FTO: variants seen among roughly 807,000 people sequenced by gnomAD.
FTO encodes FTO alpha-ketoglutarate dependent dioxygenase.
In FTO, 47 loss-of-function variants were observed where a neutral mutation model predicts 63.9. That is an observed-to-expected ratio of 0.74 (90% CI 0.58 to 0.94). The LOEUF (loss-of-function observed/expected upper bound fraction) is 0.94, where lower values mean the gene tolerates loss of function less well. Ranked by LOEUF, FTO falls within the 40% of genes least tolerant of loss-of-function variation. FTO has a pLI of 0.00. For missense variants in FTO, 562 were observed against 618.1 expected (o/e 0.91, Z 0.96); for synonymous variants, 207 against 224.4 (o/e 0.92, Z 0.69).
intron 3 of FTO, among the ~76,000 whole-genome samples, chr16:53,843,922 T>A (rs2079545209): frequency 6.6e-6 from 1 of 152,130 alleles, no homozygotes; most frequent in South Asian, 2.1e-4. Context: ...AGTGCTGGGA[T>A]TATAGGCGTG....
At chr16:54,083,155 A>G (rs1459853388) in intron 8 of FTO, among the ~76,000 whole-genome samples, 3 of 152,168 alleles carry the variant, frequency 2.0e-5, no homozygotes, top group Non-Finnish European at 2.9e-5. Context: ...TATTACAGAT[A>G]AGACTATTAT....
chr16:54,088,841 T>C (rs2086311162), intron 8 of FTO, among the ~76,000 whole-genome samples: 1 of 152,214 alleles, frequency 6.6e-6, no homozygotes, highest in South Asian at 2.1e-4. Context: ...CCACACAGTA[T>C]TCAGTTTTCC....
chr16:53,863,953 A>G (rs1202082224), intron 4 of FTO, among the ~76,000 whole-genome samples: 1 of 152,222 alleles, frequency 6.6e-6, no homozygotes, highest in African/African-American at 2.4e-5. Flanking sequence ...TCTAATATAT[A>G]GTGCCAAAAG....
At chr16:53,753,269 CA>C (rs1438726615) in intron 1 of FTO, among the ~76,000 whole-genome samples, 1 of 139,930 alleles carries the variant, frequency 7.1e-6, no homozygotes, top group Non-Finnish European at 1.5e-5. Context: ...AAAAAAAAAA[CA>C]AAACAAAACA....
At chr16:54,101,408 A>G (rs1051415728) in intron 8 of FTO, among the ~76,000 whole-genome samples, 1 of 152,210 alleles carries the variant, frequency 6.6e-6, no homozygotes, top group African/African-American at 2.4e-5. Context: ...TTTGCTAAGG[A>G]TAATAGCCTC....
intron 1 of FTO, among the ~76,000 whole-genome samples, chr16:53,774,760 T>A (rs947369340): frequency 2.6e-5 from 4 of 152,026 alleles, no homozygotes; most frequent in Non-Finnish European, 4.4e-5. Flanking sequence ...CTTGCCAGGG[T>A]AGCCGCTCAT....
chr16:53,773,249 C>T (rs567191192), intron 1 of FTO, among the ~76,000 whole-genome samples: 1 of 152,176 alleles, frequency 6.6e-6, no homozygotes, highest in South Asian at 2.1e-4. Context: ...ATTTCTTCTA[C>T]TCCTGTTTTC....
intron 7 of FTO, among the ~76,000 whole-genome samples, chr16:53,917,705 A>G (rs1027841560): frequency 8.7e-6 from 1 of 115,256 alleles, no homozygotes; most frequent in Admixed American, 8.8e-5. Context: ...CACAAAATTG[A>G]GTGAGTGTGT....
At chr16:53,973,324 T>C (rs1218367670) in intron 8 of FTO, among the ~76,000 whole-genome samples, 2 of 152,194 alleles carry the variant, frequency 1.3e-5, no homozygotes, top group Non-Finnish European at 2.9e-5. Context: ...GGAGTAAACC[T>C]GATCAAATCT....
At chr16:54,046,968 G>T (rs1239203508) in intron 8 of FTO, among the ~76,000 whole-genome samples, 1 of 139,900 alleles carries the variant, frequency 7.1e-6, no homozygotes, top group Non-Finnish European at 1.5e-5. Context: ...ATTCAAGATG[G>T]ATTAAAGATT....
intron 8 of FTO, among the ~76,000 whole-genome samples, chr16:53,956,117 G>T (rs910261282): frequency 6.6e-6 from 1 of 152,126 alleles, no homozygotes; most frequent in Admixed American, 6.5e-5. Context: ...TGTTATAGAT[G>T]ATGAAACTGA....
intron 8 of FTO, among the ~76,000 whole-genome samples, chr16:54,087,639 C>CA (rs1167506847): frequency 6.6e-6 from 1 of 152,076 alleles, no homozygotes; most frequent in Non-Finnish European, 1.5e-5. Flanking sequence ...CCCATCTCTA[C>CA]AAAAAATTTA....
At chr16:53,928,519 A>G (rs568709310) in intron 7 of FTO, among the ~76,000 whole-genome samples, 1 of 152,320 alleles carries the variant, frequency 6.6e-6, no homozygotes, top group East Asian at 1.9e-4. Flanking sequence ...TGCTCTTTTG[A>G]CACTGAAATT....
At chr16:53,741,431 C>T (rs2076525928) in intron 1 of FTO, among the ~76,000 whole-genome samples, 1 of 152,180 alleles carries the variant, frequency 6.6e-6, no homozygotes, top group African/African-American at 2.4e-5. Flanking sequence ...GGATTATAAT[C>T]TGTGAACCAC....
At chr16:54,058,943 A>T (rs906910815) in intron 8 of FTO, among the ~76,000 whole-genome samples, 1 of 152,232 alleles carries the variant, frequency 6.6e-6, no homozygotes. Context: ...CTTGTTTTAT[A>T]TATGGGATAT....
chr16:53,914,163 A>C (rs1360919539), intron 7 of FTO, among the ~76,000 whole-genome samples: 1 of 152,094 alleles, frequency 6.6e-6, no homozygotes, highest in Admixed American at 6.6e-5. Context: ...ACAGGAAGAC[A>C]GTGGTTTGCC....
At chr16:54,017,531 A>G (rs544497842) in intron 8 of FTO, among the ~76,000 whole-genome samples, 22 of 152,326 alleles carry the variant, frequency 1.4e-4, no homozygotes, top group African/African-American at 5.3e-4. Flanking sequence ...AGGCAAATGT[A>G]TTCTGAAGCA....
intron 7 of FTO, among the ~76,000 whole-genome samples, chr16:53,917,525 ATAAG>A (rs2081899394): frequency 6.6e-6 from 1 of 152,182 alleles, no homozygotes; most frequent in Non-Finnish European, 1.5e-5. Context: ...TAAGTGTAAA[ATAAG>A]TAATAGTTAT....
intron 1 of FTO, among the ~76,000 whole-genome samples, chr16:53,767,671 G>A (rs918559283): frequency 1.3e-5 from 2 of 151,924 alleles, no homozygotes; most frequent in Non-Finnish European, 2.9e-5. Flanking sequence ...TTATATCAAA[G>A]AGAGTAAATT....
Sources: allele counts gnomAD v4.1 joint callset (sites outside exome capture counted in the v4.1 genomes callset), GRCh38; gene constraint gnomAD v4.1.1; transcripts MANE v1.5; gene names NCBI Gene and HGNC (gene_info 2026-07-23, HGNC 2026-07-21).